The following USP45 variants were observed in gnomAD, a reference collection of about 807,000 sequenced individuals.
USP45 encodes the protein ubiquitin specific peptidase 45.
In USP45, 89 loss-of-function variants were observed where a neutral mutation model predicts 95.8. The ratio of observed to expected loss-of-function variants is 0.93; its 90% CI spans 0.78 to 1.11. The LOEUF is 1.11. USP45 is among the 50% of genes least tolerant of loss of function. USP45 has a pLI of 0.00. For synonymous variants in USP45, 281 were observed against 316.2 expected (o/e 0.89, Z 1.18); for missense variants, 898 against 942.5 (o/e 0.95, Z 0.62).
At chr6:99,479,524 A>G (rs1791794037) in intron 8 of USP45, among the ~76,000 whole-genome samples, 1 of 151,454 alleles carries the variant, frequency 6.6e-6, no homozygotes, top group Admixed American at 6.6e-5. Flanking sequence ...TTAAATATGT[A>G]CAATTTATTT....
chr6:99,502,740 G>A (rs957167173), intron 5 of USP45, among the ~76,000 whole-genome samples: 1 of 152,204 alleles, frequency 6.6e-6, no homozygotes, highest in Non-Finnish European at 1.5e-5. Flanking sequence ...CTCACGAATG[G>A]TTTAGCTCCA....
chr6:99,484,869 G>A (rs1469408923), intron 7 of USP45, among the ~76,000 whole-genome samples: 1 of 147,026 alleles, frequency 6.8e-6, no homozygotes, highest in Non-Finnish European at 1.5e-5. Flanking sequence ...TTTTTTTAAA[G>A]TGTTTTCTGC....
chr6:99,464,862 T>C, intron 12 of USP45, 115 bp from the exon 13 acceptor site: 1 of 1,254,472 alleles, frequency 8.0e-7, no homozygotes, highest in Non-Finnish European at 1.1e-6. Flanking sequence ...ATTATCAAAA[T>C]AAAAAGTGTT....
intron 1 of USP45, among the ~76,000 whole-genome samples, chr6:99,514,529 C>T (rs1467534208): frequency 9.2e-5 from 14 of 152,250 alleles, no homozygotes; most frequent in Non-Finnish European, 1.5e-5. Flanking sequence ...TTTTCTCATG[C>T]GGTTTTCCAA....
At chr6:99,462,422 A>T (rs1786694084) in intron 13 of USP45, 1 of 983,964 alleles carries the variant, frequency 1.0e-6, no homozygotes, top group South Asian at 4.7e-5. Flanking sequence ...AACTCTTTAA[A>T]CTAAATAAAA....
chr6:99,474,031 A>G (rs1455361309), intron 9 of USP45, among the ~76,000 whole-genome samples: 1 of 152,226 alleles, frequency 6.6e-6, no homozygotes, highest in Non-Finnish European at 1.5e-5. Context: ...ATAAACAGAC[A>G]ATTAAAAATA....
chr6:99,486,802 G>A (rs1794000704), intron 7 of USP45, among the ~76,000 whole-genome samples: 1 of 151,946 alleles, frequency 6.6e-6, no homozygotes, highest in South Asian at 2.1e-4. Flanking sequence ...GTCAGATCAT[G>A]AGCTATACAT....
At chr6:99,497,580 T>C (rs566974226) in intron 5 of USP45, among the ~76,000 whole-genome samples, 2 of 152,328 alleles carry the variant, frequency 1.3e-5, no homozygotes, top group South Asian at 4.1e-4. Context: ...AATCTTTACT[T>C]AGTCATATGA....
intron 1 of USP45, 112 bp from the exon 2 acceptor site, chr6:99,510,342 G>T: frequency 1.5e-6 from 1 of 659,994 alleles, no homozygotes; most frequent in Admixed American, 2.8e-5. Flanking sequence ...ACTGGTCCGG[G>T]AAATCAACAG....
chr6:99,474,868 A>G (rs1327886630), intron 9 of USP45, among the ~76,000 whole-genome samples: 1 of 152,230 alleles, frequency 6.6e-6, no homozygotes. Flanking sequence ...AACCCCTCCC[A>G]GAAGAAGTTG....
chr6:99,503,947 G>T, intron 4 of USP45, 82 bp from the exon 5 acceptor site: 1 of 995,654 alleles, frequency 1.0e-6, no homozygotes, highest in Non-Finnish European at 1.4e-6. Context: ...TTGGTATTTA[G>T]TTACTTTTGT....
At chr6:99,465,800 G>C (rs1456005707) in intron 11 of USP45, among the ~76,000 whole-genome samples, 1 of 152,034 alleles carries the variant, frequency 6.6e-6, no homozygotes, top group African/African-American at 2.4e-5. Context: ...CATACTCTAA[G>C]TCATACACTT....
chr6:99,501,837 C>T lies in USP45; in HGVS notation c.478+1928G>A, dbSNP rs564694050. On this transcript the variant is annotated intron_variant, in intron 5 of 17. Transcript: ENST00000500704. The stretch of plus-strand genomic sequence containing the variant: ...TAAAGGATCTGGCTGGCTTTTCTCC[C>T]CAGGTTCCTGGGAAGTACCCTCTAA... 4.2e-5 allele frequency: 48 copies of T among 1,145,306 alleles called. No individual in the cohort carries two copies. In the South Asian group the frequency reaches 7.5e-4, roughly 18 times the overall value. 70.9% of individuals were successfully genotyped at this position (1,145,306 alleles called of 1,614,324 possible).
intron 8 of USP45, among the ~76,000 whole-genome samples, chr6:99,478,313 A>G (rs1455001618): frequency 6.7e-6 from 1 of 148,316 alleles, no homozygotes; most frequent in Non-Finnish European, 1.5e-5. Context: ...TATCTGAGCT[A>G]CCCATATCAA....
At chr6:99,488,145 G>T in intron 7 of USP45, 55 bp downstream of exon 7, 3 of 1,180,662 alleles carry the variant, frequency 2.5e-6, no homozygotes, top group Non-Finnish European at 3.8e-6. Flanking sequence ...AAGAGATTTT[G>T]GTAACATCAG....
In USP45 at chr6:99,501,321, C is replaced by T. The variant is rs182986337; in HGVS notation, c.478+2444G>A. On this transcript the variant is annotated intron_variant, in intron 5 of 17. Transcript: ENST00000500704. Reference sequence around the variant, plus strand: ...AAATATGAAATTACCGTGATACCCCCCTGCTTAAAATACTTTAGTAATTTC... The same window carrying T: ...AAATATGAAATTACCGTGATACCCCTCTGCTTAAAATACTTTAGTAATTTC... 6.6e-5 allele frequency among the ~76,000 whole-genome samples: 10 copies of T among 152,108 alleles called. No homozygotes were observed. The East Asian group carries it at 9.6e-4, about 15-fold the overall frequency.
intron 7 of USP45, 39 bp from the exon 8 acceptor site, chr6:99,482,922 A>G (rs777101086): frequency 8.6e-6 from 12 of 1,399,536 alleles, no homozygotes; most frequent in Middle Eastern, 3.8e-4. Context: ...GAAATGTACA[A>G]TTTAAAAATA....
chr6:99,504,945 T>G (rs1798185061), intron 4 of USP45, among the ~76,000 whole-genome samples: 1 of 152,166 alleles, frequency 6.6e-6, no homozygotes, highest in Non-Finnish European at 1.5e-5. Context: ...CAAGACTTGC[T>G]GTGAGTTGAT....
rs1332055248 is a variant in USP45, at chr6:99,446,110, T to C, written c.1662A>G (p.Glu554=). ...GAAGTTCAGAAATAGCTTCTGCCAT[T>C]TCCTTATCACCACTGTCAGTCTCCT... ...YTKETDSGDK[E]MAEAISELRL... is the part of the protein sequence containing the mutation. Residue 554 remains glutamate (E), a synonymous_variant, in exon 14 of 18, where the codon GAA becomes GAG. Transcript: ENST00000500704. 1.9e-6 allele frequency: 3 copies of C among 1,614,006 alleles called. No homozygotes were observed. In the Admixed American group the frequency reaches 5.0e-5, roughly 27 times the overall value.
Sources: allele counts gnomAD v4.1 joint callset (sites outside exome capture counted in the v4.1 genomes callset), GRCh38; gene constraint gnomAD v4.1.1; transcripts MANE v1.5; gene names NCBI Gene and HGNC (gene_info 2026-07-23, HGNC 2026-07-21).